UCHL1: variants seen among roughly 807,000 people sequenced by gnomAD.
The protein encoded by UCHL1 is ubiquitin carboxyl-terminal hydrolase isozyme L1.
In UCHL1, 5 loss-of-function variants were observed where a neutral mutation model predicts 33.3. The ratio of observed to expected loss-of-function variants is 0.15; its 90% CI spans 0.08 to 0.32. The LOEUF (loss-of-function observed/expected upper bound fraction) is 0.32, where lower values mean the gene tolerates loss of function less well. UCHL1 is among the 10% of genes least tolerant of loss of function. UCHL1 has a pLI of 1.00. For missense variants in UCHL1, 236 were observed against 280.0 expected (o/e 0.84, Z 1.12); for synonymous variants, 132 against 108.8 (o/e 1.21, Z -1.33).
At chr4:41,264,076 T>C in intron 7 of UCHL1, 27 bp from the exon 8 acceptor site, 1 of 1,614,160 alleles carries the variant, frequency 6.2e-7, no homozygotes, top group Non-Finnish European at 8.5e-7. Flanking sequence ...GCAGAGAAAA[T>C]TGACATGCCT....
intron 2 of UCHL1, 112 bp downstream of exon 2, chr4:41,257,238 A>C: frequency 6.5e-7 from 1 of 1,546,244 alleles, no homozygotes; most frequent in Non-Finnish European, 8.8e-7. Flanking sequence ...CGAGCACCGG[A>C]GACGGCCGGG....
intron 8 of UCHL1, 149 bp downstream of exon 8, chr4:41,264,310 CTCTA>C (rs1781121025): frequency 2.1e-6 from 2 of 933,422 alleles, no homozygotes; most frequent in Non-Finnish European, 3.4e-6. Context: ...CTCTTAGTAA[CTCTA>C]TCTACCTTAT....
chr4:41,258,039 T>G (rs538584178), intron 3 of UCHL1, among the ~76,000 whole-genome samples: 1 of 152,358 alleles, frequency 6.6e-6, no homozygotes, highest in East Asian at 1.9e-4. Flanking sequence ...TCCCTCGAAC[T>G]TGGGCTTTTT....
chr4:41,262,256 G>GT (rs908886636), intron 6 of UCHL1, among the ~76,000 whole-genome samples: 3 of 152,172 alleles, frequency 2.0e-5, no homozygotes, highest in African/African-American at 7.2e-5. Flanking sequence ...GAGCCCAGGA[G>GT]TTTGAGACCA....
At chr4:41,260,219 A>T (rs1017118582) in intron 3 of UCHL1, among the ~76,000 whole-genome samples, 2 of 152,256 alleles carry the variant, frequency 1.3e-5, no homozygotes, top group Non-Finnish European at 2.9e-5. Context: ...ATGAAATGTA[A>T]ACCAGCTGGT....
chr4:41,264,748 C>T (rs1475175960), intron 8 of UCHL1, among the ~76,000 whole-genome samples: 1 of 152,130 alleles, frequency 6.6e-6, no homozygotes, highest in Non-Finnish European at 1.5e-5. Flanking sequence ...TAGGCCTCTT[C>T]ACTAAAAAAT....
At chr4:41,266,637 T>C (rs1005189835) in intron 8 of UCHL1, among the ~76,000 whole-genome samples, 3 of 152,208 alleles carry the variant, frequency 2.0e-5, no homozygotes, top group Non-Finnish European at 4.4e-5. Context: ...GTTGCTTTTT[T>C]TGAGAAAGGG....
intron 3 of UCHL1, among the ~76,000 whole-genome samples, chr4:41,258,206 C>T (rs569972734): frequency 6.6e-6 from 1 of 152,198 alleles, no homozygotes; most frequent in Non-Finnish European, 1.5e-5. Context: ...TAATTCTCCG[C>T]CTCCATTACT....
intron 8 of UCHL1, 54 bp from the exon 9 acceptor site, chr4:41,267,933 A>T: frequency 7.0e-6 from 10 of 1,434,958 alleles, no homozygotes; most frequent in Non-Finnish European, 8.8e-6. Context: ...TCCCTATGTG[A>T]CTTTCATTTT....
chr4:41,261,541 TAG>T (rs1781067535), intron 4 of UCHL1, among the ~76,000 whole-genome samples, 172 bp from the exon 5 acceptor site: 1 of 151,936 alleles, frequency 6.6e-6, no homozygotes, highest in Non-Finnish European at 1.5e-5. Context: ...AAGCAGTGAA[TAG>T]AGAGGGGTTA....
intron 2 of UCHL1, 67 bp from the exon 3 acceptor site, chr4:41,257,542 G>GC: frequency 2.1e-6 from 3 of 1,420,950 alleles, no homozygotes; most frequent in Non-Finnish European, 1.8e-6. Flanking sequence ...TCCTGGCCCC[G>GC]CCCCCTGGCA....
chr4:41,263,460 C>T (rs1031442823), intron 7 of UCHL1, among the ~76,000 whole-genome samples, 169 bp downstream of exon 7: 1 of 152,204 alleles, frequency 6.6e-6, no homozygotes, highest in African/African-American at 2.4e-5. Flanking sequence ...ATCCCCAGAG[C>T]AACTTCCTCA....
Position 41,268,203 on chromosome 4 carries a change from T to A in UCHL1, c.*130T>A. ...GTTCTTCTGTTCTGCAGACACGCCT[T>A]CCCCTCAGCCACACCCAGGCACTTA... is the stretch of plus-strand genomic sequence containing the variant. On this transcript the variant is annotated 3_prime_UTR_variant, in exon 9 of 9. Coordinates refer to ENST00000284440, the MANE Select transcript of UCHL1 (RefSeq NM_004181.5). 1 of 887,280 alleles carries A rather than the reference T, an allele frequency of 1.1e-6. No homozygotes were observed. Among genetic ancestry groups the A allele is most frequent in the Non-Finnish European group, 1.8e-6 (1 of 555,052 alleles). The allele number at this position is 887,280 out of a possible 1,614,324, so 55.0% of individuals were successfully genotyped here. A position where few individuals can be genotyped will look rare whatever the true frequency, so the allele number is the denominator to read the frequency against.
chr4:41,257,418 G>A (rs1247282579), intron 2 of UCHL1, 191 bp from the exon 3 acceptor site: 1 of 933,694 alleles, frequency 1.1e-6, no homozygotes. Context: ...GGCTTCGCGG[G>A]CGCCACGTGT....
chr4:41,257,414 G>A, intron 2 of UCHL1, 195 bp from the exon 3 acceptor site: 3 of 924,656 alleles, frequency 3.2e-6, no homozygotes, highest in Non-Finnish European at 4.5e-6. Context: ...CACGGGCTTC[G>A]CGGGCGCCAC....
At chr4:41,258,685 C>T (rs549908314) in intron 3 of UCHL1, among the ~76,000 whole-genome samples, 2 of 152,256 alleles carry the variant, frequency 1.3e-5, no homozygotes, top group East Asian at 3.9e-4. Context: ...ACTGAAGCAC[C>T]GTCCTAAGGC....
chr4:41,256,944 C>G lies in UCHL1; in HGVS notation c.-33C>G, dbSNP rs756271669. 14 of 1,614,014 alleles carry G rather than the reference C, an allele frequency of 8.7e-6. No homozygotes were observed. In the Admixed American group the frequency reaches 1.3e-4, roughly 15 times the overall value. On this transcript the variant is annotated 5_prime_UTR_variant, in exon 1 of 9. Transcript: ENST00000284440. Reference sequence around the variant, plus strand: ...GGCTCCGCTAGCTGTTTTTCGTCTTCCCTAGGCTATTTCTGCCGGGCGCTC... The same window carrying G: ...GGCTCCGCTAGCTGTTTTTCGTCTTGCCTAGGCTATTTCTGCCGGGCGCTC...
chr4:41,267,209 A>C (rs1301451634), intron 8 of UCHL1, among the ~76,000 whole-genome samples: 1 of 147,998 alleles, frequency 6.8e-6, no homozygotes, highest in East Asian at 2.0e-4. Flanking sequence ...TGTACCTAGA[A>C]TATCAGGTAA....
chr4:41,265,305 G>A (rs560993436), intron 8 of UCHL1, among the ~76,000 whole-genome samples: 10 of 152,358 alleles, frequency 6.6e-5, no homozygotes, highest in South Asian at 4.1e-4. Context: ...CTGGCAAGGT[G>A]CAGTGGCTCA....
Sources: gnomAD v4.1 joint callset for allele counts (sites outside exome capture counted in the v4.1 genomes callset) on GRCh38, gnomAD v4.1.1 for gene constraint, MANE v1.5 for transcripts, NCBI Gene and HGNC (gene_info 2026-07-23, HGNC 2026-07-21) for gene names.